PKNOX1: variants seen among roughly 807,000 people sequenced by gnomAD.
PKNOX1 encodes PBX/knotted 1 homeobox 1.
In PKNOX1, 15 loss-of-function variants were observed where a neutral mutation model predicts 51.9. The ratio of observed to expected loss-of-function variants is 0.29; its 90% CI spans 0.19 to 0.45. The LOEUF (loss-of-function observed/expected upper bound fraction) is 0.45. Among genes scored for constraint, PKNOX1 ranks in the 20% least tolerant of loss-of-function variants. The pLI, the probability that PKNOX1 is intolerant of heterozygous loss-of-function variation, is 1.00. For missense variants in PKNOX1, 462 were observed against 547.5 expected (o/e 0.84, Z 1.56); for synonymous variants, 219 against 211.1 (o/e 1.04, Z -0.32).
In PKNOX1 at chr21:43,009,478, C is replaced by T. The variant is rs113353227; in HGVS notation, c.180-575C>T. ...AAAAAAAATTAGCTGGGCATCATGG[C>T]GGGTGCCTGTAGTCCCGGCTACTTG... On this transcript the variant is annotated intron_variant, in intron 3 of 10. Coordinates refer to ENST00000291547, the MANE Select transcript of PKNOX1 (RefSeq NM_004571.5). Among the ~76,000 whole-genome samples, 677 of 150,904 alleles carry T rather than the reference C, an allele frequency of 4.5e-3. 7 individuals carry two copies. The highest frequency in any genetic ancestry group is 0.013 in the African/African-American group (515 of 41,042).
chr21:43,019,963 C>A (rs1238840632), intron 7 of PKNOX1, among the ~76,000 whole-genome samples: 1 of 137,030 alleles, frequency 7.3e-6, no homozygotes, highest in East Asian at 2.1e-4. Context: ...GAGACGGTCT[C>A]GCTCTGTTAC....
intron 10 of PKNOX1, among the ~76,000 whole-genome samples, chr21:43,029,309 G>GACGTAGGC (rs1324955483): frequency 1.3e-5 from 2 of 151,840 alleles, no homozygotes; most frequent in Non-Finnish European, 2.9e-5. Context: ...TCCATCCCCT[G>GACGTAGGC]ACGTAGGCAG....
intron 10 of PKNOX1, among the ~76,000 whole-genome samples, chr21:43,029,496 C>T (rs1282393388): frequency 2.1e-5 from 3 of 143,086 alleles, no homozygotes; most frequent in African/African-American, 5.2e-5. Flanking sequence ...GGCGCAATCT[C>T]GGCTCACTGA....
chr21:43,022,753 C>T (rs1158979577), intron 8 of PKNOX1, among the ~76,000 whole-genome samples: 1 of 152,018 alleles, frequency 6.6e-6, no homozygotes, highest in Admixed American at 6.6e-5. Context: ...GAAAGCAGGT[C>T]GGCATGTAGA....
At chr21:43,004,862 A>G (rs1568896193) in intron 2 of PKNOX1, among the ~76,000 whole-genome samples, 1 of 152,120 alleles carries the variant, frequency 6.6e-6, no homozygotes, top group Non-Finnish European at 1.5e-5. Flanking sequence ...CCAGTAATGA[A>G]TTTGCAGGGG....
chr21:42,984,894 A>G (rs1489021311), intron 1 of PKNOX1, among the ~76,000 whole-genome samples: 1 of 69,108 alleles, frequency 1.4e-5, no homozygotes, highest in Non-Finnish European at 3.1e-5. Flanking sequence ...CTGTGTGCCC[A>G]GTGTAGGCAG....
intron 1 of PKNOX1, among the ~76,000 whole-genome samples, chr21:42,988,459 C>G (rs1322755147): frequency 6.6e-6 from 1 of 152,162 alleles, no homozygotes; most frequent in Admixed American, 6.5e-5. Context: ...GTGAGCTACT[C>G]TCCTTCAGCT....
chr21:43,025,753 C>T (rs1979959952), intron 9 of PKNOX1, among the ~76,000 whole-genome samples: 1 of 152,192 alleles, frequency 6.6e-6, no homozygotes, highest in Non-Finnish European at 1.5e-5. Context: ...AGCACAAATT[C>T]TTCCAGTTGT....
chr21:42,979,170 G>A (rs530343929), intron 1 of PKNOX1, among the ~76,000 whole-genome samples: 2 of 152,128 alleles, frequency 1.3e-5, no homozygotes, highest in Non-Finnish European at 2.9e-5. Context: ...TTCCTGCCTC[G>A]TCCTTCCGAA....
At chr21:42,989,544 G>T (rs1338754204) in intron 1 of PKNOX1, among the ~76,000 whole-genome samples, 1 of 151,860 alleles carries the variant, frequency 6.6e-6, no homozygotes, top group Admixed American at 6.6e-5. Context: ...TCAGCCTCCC[G>T]AGTAGCTGGG....
intron 10 of PKNOX1, among the ~76,000 whole-genome samples, chr21:43,029,472 G>C (rs1394658967): frequency 2.5e-5 from 3 of 118,816 alleles, no homozygotes; most frequent in African/African-American, 9.7e-5. Flanking sequence ...CTGTTGCCCA[G>C]GCTGGAGTGC....
At chr21:43,025,518 T>C (rs1307806118) in intron 9 of PKNOX1, among the ~76,000 whole-genome samples, 3 of 152,214 alleles carry the variant, frequency 2.0e-5, no homozygotes, top group Non-Finnish European at 2.9e-5. Context: ...GGACATTTCA[T>C]AAAACGTCCC....
At position 43,031,381 on chromosome 21, in the gene PKNOX1, GT is replaced by G. The variant is rs1980262856; in HGVS notation, c.*1282del. 1 of 152,328 alleles carries G rather than the reference GT, an allele frequency of 6.6e-6. No individual in the cohort carries two copies. Among genetic ancestry groups the G allele is most frequent in the Admixed American group, 6.5e-5 (1 of 15,290 alleles). The allele number at this position is 152,328 out of a possible 1,614,324, so 9.4% of individuals were successfully genotyped here. A position where few individuals can be genotyped will look rare whatever the true frequency, so the allele number is the denominator to read the frequency against. The stretch of plus-strand genomic sequence containing the variant: ...TTGTGGCTGGTCTCCTGGTGTCAGT[GT>G]TCTCTTGTACGTTGTTGCTTTCGAC... On this transcript the variant is annotated 3_prime_UTR_variant, in exon 11 of 11. Transcript: ENST00000291547.
At chr21:43,000,752 G>A (rs959066958) in intron 1 of PKNOX1, among the ~76,000 whole-genome samples, 1 of 152,164 alleles carries the variant, frequency 6.6e-6, no homozygotes, top group Non-Finnish European at 1.5e-5. Flanking sequence ...GCATGGTGGT[G>A]TGGGCCTGTA....
rs1978893227 is a variant in PKNOX1, at chr21:43,004,322, C to T, written c.-56-4C>T. 1 of 1,126,750 alleles carries T rather than the reference C, an allele frequency of 8.9e-7. No homozygotes were observed. The highest frequency in any genetic ancestry group is 1.4e-6 in the Non-Finnish European group (1 of 736,548). 69.8% of individuals were successfully genotyped at this position (1,126,750 alleles called of 1,614,324 possible). ...ACTGATGCTTTTCTGGTTTTGTTCTCCAGACACCATTCGCTTTTCACCCAA... is the reference window on the plus strand; with the variant it reads ...ACTGATGCTTTTCTGGTTTTGTTCTTCAGACACCATTCGCTTTTCACCCAA... On this transcript the variant is annotated splice_region_variant and splice_polypyrimidine_tract_variant and intron_variant, in intron 1 of 10. Coordinates refer to ENST00000291547, the MANE Select transcript of PKNOX1 (RefSeq NM_004571.5).
intron 1 of PKNOX1, among the ~76,000 whole-genome samples, chr21:42,994,080 G>A (rs1206902685): frequency 8.1e-6 from 1 of 122,954 alleles, no homozygotes; most frequent in African/African-American, 3.2e-5. Context: ...TCCCTTTGTC[G>A]CCCAGGCTGG....
intron 4 of PKNOX1, among the ~76,000 whole-genome samples, chr21:43,010,571 G>C (rs898310048): frequency 6.6e-6 from 1 of 151,948 alleles, no homozygotes; most frequent in Non-Finnish European, 1.5e-5. Flanking sequence ...AATAAAATAG[G>C]CCAGGCGTGG....
chr21:42,985,586 C>T (rs1266337806), intron 1 of PKNOX1, among the ~76,000 whole-genome samples: 1 of 151,990 alleles, frequency 6.6e-6, no homozygotes, highest in Non-Finnish European at 1.5e-5. Flanking sequence ...TTGCCTGCCT[C>T]GACCTCCCAC....
At chr21:43,001,035 T>A (rs1338463571) in intron 1 of PKNOX1, among the ~76,000 whole-genome samples, 1 of 151,984 alleles carries the variant, frequency 6.6e-6, no homozygotes, top group Non-Finnish European at 1.5e-5. Flanking sequence ...GGGGAGCAGA[T>A]GGAAGTGAAA....
Sources: gnomAD v4.1 joint callset for allele counts (sites outside exome capture counted in the v4.1 genomes callset) on GRCh38, gnomAD v4.1.1 for gene constraint, MANE v1.5 for transcripts, NCBI Gene and HGNC (gene_info 2026-07-23, HGNC 2026-07-21) for gene names.